The following FEZ1 variants were observed in gnomAD, a reference collection of about 807,000 sequenced individuals.
FEZ1 encodes the protein fasciculation and elongation protein zeta-1.
FEZ1 carries 20 observed loss-of-function variants against 49.3 expected under a neutral mutation model. The observed-to-expected ratio is 0.41, with a 90% CI of 0.29 to 0.59. FEZ1 has a LOEUF of 0.59. Among genes scored for constraint, FEZ1 ranks in the 20% least tolerant of loss-of-function variants. The pLI, the probability that FEZ1 is intolerant of heterozygous loss-of-function variation, is 0.36. For missense variants in FEZ1, 413 were observed against 476.0 expected (o/e 0.87, Z 1.23); for synonymous variants, 170 against 180.9 (o/e 0.94, Z 0.48).
intron 3 of FEZ1, among the ~76,000 whole-genome samples, chr11:125,476,640 A>G (rs919113096): frequency 1.3e-5 from 2 of 152,162 alleles, no homozygotes; most frequent in African/African-American, 4.8e-5. Flanking sequence ...GAAAGAACCA[A>G]AAAAGTCATA....
chr11:125,479,491 T>G (rs1957260926), intron 3 of FEZ1, among the ~76,000 whole-genome samples: 1 of 152,236 alleles, frequency 6.6e-6, no homozygotes, highest in South Asian at 2.1e-4. Flanking sequence ...AATTTGCTTT[T>G]AACATAGAGC....
chr11:125,489,030 T>G lies in FEZ1; in HGVS notation c.311+437A>C, dbSNP rs148622770. 1.2e-5 allele frequency: 12 copies of G among 986,642 alleles called. No individual in the cohort carries two copies. The East Asian group carries it at 1.2e-3, about 102-fold the overall frequency. The allele number at this position is 986,642 out of a possible 1,614,324, so 61.1% of individuals were successfully genotyped here. A position where few individuals can be genotyped will look rare whatever the true frequency, so the allele number is the denominator to read the frequency against. On this transcript the variant is annotated intron_variant, in intron 2 of 9. Coordinates refer to ENST00000278919, the MANE Select transcript of FEZ1 (RefSeq NM_005103.5). The surrounding 1 kb of genome is among the most constrained non-coding windows in gnomAD (Gnocchi z 4.2). ...ACATCTGTAGATAACTCTCCAGGCC[T>G]GAGGGGCTGTCAAAAATTCGGGATT...
chr11:125,461,428 G>A (rs190366744), intron 4 of FEZ1, among the ~76,000 whole-genome samples: 19 of 152,250 alleles, frequency 1.2e-4, no homozygotes, highest in African/African-American at 3.9e-4. Context: ...GCAACATGGC[G>A]AAACCCCATC....
chr11:125,461,786 C>CA (rs1378350241), intron 4 of FEZ1, among the ~76,000 whole-genome samples: 1 of 152,198 alleles, frequency 6.6e-6, no homozygotes, highest in Non-Finnish European at 1.5e-5. Flanking sequence ...GTGGTTTCTT[C>CA]ACAGTGGGCT....
At position 125,464,532 on chromosome 11, in the gene FEZ1, C is replaced by A. The variant is rs556025022; in HGVS notation, c.412-962G>T. Among the ~76,000 whole-genome samples the A allele has an allele frequency of 2.6e-5, 4 of 152,284 alleles. No homozygotes were observed. The South Asian group carries it at 8.3e-4, about 32-fold the overall frequency. On this transcript the variant is annotated intron_variant, in intron 3 of 9. Coordinates refer to ENST00000278919, the MANE Select transcript of FEZ1 (RefSeq NM_005103.5). ...CTCCAGTAGCTGGCACACCGATTGG[C>A]CCCTTCCCTGGGGCTTGTATTCTGC... is the stretch of plus-strand genomic sequence containing the variant.
chr11:125,465,154 G>C (rs983970464), intron 3 of FEZ1, among the ~76,000 whole-genome samples: 2 of 152,126 alleles, frequency 1.3e-5, no homozygotes, highest in African/African-American at 4.8e-5. Context: ...TGGGAAACAG[G>C]GTTATTTTTC....
intron 2 of FEZ1, among the ~76,000 whole-genome samples, chr11:125,484,992 G>A (rs1957314556): frequency 6.6e-6 from 1 of 152,168 alleles, no homozygotes; most frequent in African/African-American, 2.4e-5. Context: ...GGGTTCTTGG[G>A]AGTGTGCATC....
At chr11:125,486,088 C>T (rs1364998678) in intron 2 of FEZ1, among the ~76,000 whole-genome samples, 1 of 152,208 alleles carries the variant, frequency 6.6e-6, no homozygotes, top group Non-Finnish European at 1.5e-5. Context: ...CTAAAAATCA[C>T]AATTATGTGT....
intron 2 of FEZ1, among the ~76,000 whole-genome samples, chr11:125,485,367 G>C (rs913082814): frequency 6.6e-6 from 1 of 152,090 alleles, no homozygotes; most frequent in Non-Finnish European, 1.5e-5. Context: ...AGACTGGGGG[G>C]TGCCAGGACA....
intron 5 of FEZ1, 118 bp from the exon 6 acceptor site, chr11:125,456,224 A>T: frequency 1.0e-6 from 1 of 986,902 alleles, no homozygotes; most frequent in Non-Finnish European, 1.5e-6. Flanking sequence ...ATCCCTTCCA[A>T]CTCCTTAAAG....
At chr11:125,493,097 T>C (rs533005920) in intron 1 of FEZ1, among the ~76,000 whole-genome samples, 1 of 148,710 alleles carries the variant, frequency 6.7e-6, no homozygotes, top group Non-Finnish European at 1.5e-5. Context: ...GAGGCTGAGG[T>C]GCGTGGATCA....
intron 2 of FEZ1, among the ~76,000 whole-genome samples, chr11:125,483,743 A>G (rs1376296553): frequency 1.3e-5 from 2 of 152,244 alleles, no homozygotes; most frequent in Admixed American, 6.5e-5. Flanking sequence ...GAAATTCAGC[A>G]AAGCCCAAAA....
At chr11:125,447,177 T>G (rs541530768) in intron 9 of FEZ1, among the ~76,000 whole-genome samples, 2 of 152,208 alleles carry the variant, frequency 1.3e-5, no homozygotes, top group African/African-American at 4.8e-5. Flanking sequence ...CCACCTATAA[T>G]GTAGTGCTTA....
chr11:125,447,929 A>G (rs1305474472), intron 9 of FEZ1, among the ~76,000 whole-genome samples: 1 of 152,224 alleles, frequency 6.6e-6, no homozygotes, highest in Non-Finnish European at 1.5e-5. Flanking sequence ...ATACCGAAAT[A>G]GTTATGCATG....
At chr11:125,485,756 T>C (rs1591601178) in intron 2 of FEZ1, among the ~76,000 whole-genome samples, 1 of 143,282 alleles carries the variant, frequency 7.0e-6, no homozygotes, top group Non-Finnish European at 1.5e-5. Context: ...GACAACATGG[T>C]GAAAACCCAT....
chr11:125,446,050 C>T lies in FEZ1; in HGVS notation c.*45G>A. ...ATGCAGTCCCTGTGATGGAATGACT[C>T]TTGCTCAGTGACCTCCTGCAGCGAG... On this transcript the variant is annotated 3_prime_UTR_variant, in exon 10 of 10. Transcript: ENST00000278919. The T allele has an allele frequency of 1.3e-6, 2 of 1,596,608 alleles. No homozygotes were observed. The highest frequency in any genetic ancestry group is 2.2e-5 in the South Asian group (2 of 90,660).
chr11:125,495,658 G>A lies in FEZ1; in HGVS notation c.-46+463C>T, dbSNP rs1412544393. On this transcript the variant is annotated intron_variant, in intron 1 of 9. Coordinates refer to ENST00000278919, the MANE Select transcript of FEZ1 (RefSeq NM_005103.5). The surrounding 1 kb of genome is among the most constrained non-coding windows in gnomAD (Gnocchi z 4.2). ...AAGATGATCTTGGGGCGTTTACGGT[G>A]ACTGGACCAGATAACGGTCCCGGGA... 1 of 410,974 alleles carries A rather than the reference G, an allele frequency of 2.4e-6. No homozygotes were observed. Among genetic ancestry groups the A allele is most frequent in the Non-Finnish European group, 5.0e-6 (1 of 200,138 alleles). 25.5% of individuals were successfully genotyped at this position (410,974 alleles called of 1,614,324 possible). A position where few individuals can be genotyped will look rare whatever the true frequency, so the allele number is the denominator to read the frequency against.
chr11:125,474,276 G>A (rs1957209456), intron 3 of FEZ1, among the ~76,000 whole-genome samples: 1 of 148,064 alleles, frequency 6.8e-6, no homozygotes. Flanking sequence ...CTGACCTCGT[G>A]ATCCACCCAC....
Position 125,460,582 on chromosome 11 carries a change from C to A in FEZ1, c.583G>T (p.Glu195Ter). ...ACCGAGTCTGCCTGGGAGGAAGTTT[C>A]TCCTCCATCCTCTTCTTCCAGAACC... ...EEVLEEEDGG[E>*]TSSQADSVLL... is the part of the protein sequence containing the mutation. The change falls in exon 5 of 10, where the codon GAA becomes TAA. Residue 195 changes from glutamate to a stop codon, truncating the protein, a stop_gained. Transcript: ENST00000278919. LOFTEE classifies it high-confidence loss of function. 6.2e-7 allele frequency: 1 copy of A among 1,613,792 alleles called. No homozygotes were observed. The highest frequency in any genetic ancestry group is 8.5e-7 in the Non-Finnish European group (1 of 1,179,668).
Sources: allele counts gnomAD v4.1 joint callset (sites outside exome capture counted in the v4.1 genomes callset), GRCh38; gene constraint gnomAD v4.1.1; non-coding constraint Gnocchi (gnomAD v3.1); transcripts MANE v1.5; gene names NCBI Gene and HGNC (gene_info 2026-07-23, HGNC 2026-07-21).